Variants in GALNT17 observed in about 807,000 individuals in gnomAD.
The protein encoded by GALNT17 is polypeptide N-acetylgalactosaminyltransferase 17.
GALNT17 carries 29 observed loss-of-function variants against 63.7 expected under a neutral mutation model. That is an observed-to-expected ratio of 0.46 (90% CI 0.34 to 0.62). The LOEUF is 0.62. Among genes scored for constraint, GALNT17 ranks in the 20% least tolerant of loss-of-function variants. The pLI is 0.01. For synonymous variants in GALNT17, 305 were observed against 318.3 expected (o/e 0.96, Z 0.45); for missense variants, 603 against 799.6 (o/e 0.75, Z 2.97).
At chr7:71,403,080 G>A (rs1793268330) in intron 3 of GALNT17, among the ~76,000 whole-genome samples, 1 of 152,072 alleles carries the variant, frequency 6.6e-6, no homozygotes. Context: ...GTTTTTTTAG[G>A]CCCCAGGGAG....
intron 1 of GALNT17, among the ~76,000 whole-genome samples, chr7:71,329,943 A>G (rs1791776335): frequency 7.4e-6 from 1 of 134,676 alleles, no homozygotes; most frequent in Admixed American, 7.2e-5. Context: ...ATATATATAC[A>G]CACATATGTG....
intron 2 of GALNT17, among the ~76,000 whole-genome samples, chr7:71,359,679 G>T (rs1792362160): frequency 6.6e-6 from 1 of 151,992 alleles, no homozygotes; most frequent in Non-Finnish European, 1.5e-5. Flanking sequence ...CACCTTCTGG[G>T]TTCAAGCAGT....
rs845046 is a variant in GALNT17 at position 71,669,436 on chromosome 7, G to C, written c.1267-536G>C. On this transcript the variant is annotated intron_variant, in intron 7 of 10. Coordinates refer to ENST00000333538, the MANE Select transcript of GALNT17 (RefSeq NM_022479.3). Reference sequence around the variant, plus strand: ...TGAGGCAGGAGAATCGCTTGAACCCGGGAGGCCAAGGTTGCAGTGAGATGA... The same window carrying C: ...TGAGGCAGGAGAATCGCTTGAACCCCGGAGGCCAAGGTTGCAGTGAGATGA... 3.6e-4 allele frequency among the ~76,000 whole-genome samples: 54 copies of C among 151,992 alleles called. No individual in the cohort carries two copies. The East Asian group carries it at 9.8e-3, about 28-fold the overall frequency.
chr7:71,372,998 A>G (rs894516513), intron 2 of GALNT17, among the ~76,000 whole-genome samples: 3 of 152,236 alleles, frequency 2.0e-5, no homozygotes, highest in African/African-American at 7.2e-5. Flanking sequence ...GTATCAACAC[A>G]GTTTGATAAC....
At chr7:71,322,507 A>G (rs1362927236) in intron 1 of GALNT17, among the ~76,000 whole-genome samples, 1 of 152,204 alleles carries the variant, frequency 6.6e-6, no homozygotes, top group Non-Finnish European at 1.5e-5. Flanking sequence ...TACCTCCAGT[A>G]TTCGTGGCTC....
intron 1 of GALNT17, among the ~76,000 whole-genome samples, chr7:71,280,675 T>C (rs1405238140): frequency 6.6e-6 from 1 of 152,204 alleles, no homozygotes; most frequent in Non-Finnish European, 1.5e-5. Context: ...GTCTGTCCTG[T>C]AGACAGGCTG....
chr7:71,292,582 A>G (rs1562975870), intron 1 of GALNT17, among the ~76,000 whole-genome samples: 3 of 151,970 alleles, frequency 2.0e-5, no homozygotes, highest in Admixed American at 1.3e-4. Context: ...AATGACCACA[A>G]TTAACCAAAT....
chr7:71,563,847 G>T (rs532790460), intron 5 of GALNT17, among the ~76,000 whole-genome samples: 4 of 152,198 alleles, frequency 2.6e-5, no homozygotes, highest in Middle Eastern at 3.4e-3. Flanking sequence ...TTAAAGTGCT[G>T]GGATTACAGG....
chr7:71,357,531 T>G lies in GALNT17; in HGVS notation c.422+21798T>G, dbSNP rs367702062. ...TTTTCCCCTTTTGCATATTTTCCCA[T>G]TCACCACTCAGTGTTTAAAGGCTGC... On this transcript the variant is annotated intron_variant, in intron 2 of 10. Transcript: ENST00000333538. Among the ~76,000 whole-genome samples the G allele has an allele frequency of 5.3e-5, 8 of 152,142 alleles. No homozygotes were observed. The East Asian group carries it at 1.2e-3, about 22-fold the overall frequency.
At chr7:71,430,486 C>A (rs1786841797) in intron 5 of GALNT17, among the ~76,000 whole-genome samples, 1 of 152,182 alleles carries the variant, frequency 6.6e-6, no homozygotes, top group Non-Finnish European at 1.5e-5. Context: ...GCATATGTTG[C>A]TTTCAGGGCA....
chr7:71,198,065 GC>G (rs999274038), intron 1 of GALNT17, among the ~76,000 whole-genome samples: 8 of 151,916 alleles, frequency 5.3e-5, no homozygotes, highest in African/African-American at 1.9e-4. Flanking sequence ...GGATGTGGTG[GC>G]GGGCTCCTGT....
At position 71,650,538 on chromosome 7, in the gene GALNT17, C is replaced by CATA. The variant is rs148253195; in HGVS notation, c.1081-14873_1081-14872insATA. Among the ~76,000 whole-genome samples, 816 of 152,212 alleles carry CATA rather than the reference C, an allele frequency of 5.4e-3. 10 individuals carry two copies. The highest frequency in any genetic ancestry group is 0.018 in the African/African-American group (755 of 41,540). On this transcript the variant is annotated intron_variant, in intron 6 of 10. Coordinates refer to ENST00000333538, the MANE Select transcript of GALNT17 (RefSeq NM_022479.3). ...AATTATGGGATTACAGGTGCCTGGC[C>CATA]CAATTATGCTCTTTAAAGGATGTGG...
At chr7:71,477,427 T>G (rs1306465848) in intron 5 of GALNT17, among the ~76,000 whole-genome samples, 1 of 152,160 alleles carries the variant, frequency 6.6e-6, no homozygotes, top group Non-Finnish European at 1.5e-5. Flanking sequence ...CACTGATCGT[T>G]TCGAGGTTAC....
intron 9 of GALNT17, among the ~76,000 whole-genome samples, chr7:71,689,073 C>T (rs1249023808): frequency 3.9e-5 from 6 of 152,032 alleles, no homozygotes; most frequent in Non-Finnish European, 8.8e-5. Context: ...TGTAATTATT[C>T]GGGGCACTAT....
At chr7:71,249,220 G>T (rs756021782) in intron 1 of GALNT17, among the ~76,000 whole-genome samples, 1 of 152,090 alleles carries the variant, frequency 6.6e-6, no homozygotes, top group Non-Finnish European at 1.5e-5. Context: ...TCTTACGTGG[G>T]TTAAATATAC....
At chr7:71,644,103 G>A (rs1375855163) in intron 6 of GALNT17, among the ~76,000 whole-genome samples, 1 of 152,112 alleles carries the variant, frequency 6.6e-6, no homozygotes, top group Non-Finnish European at 1.5e-5. Context: ...GGGTTCCTGT[G>A]TGCATTTTAA....
chr7:71,352,483 G>T (rs946368159), intron 2 of GALNT17, among the ~76,000 whole-genome samples: 1 of 152,132 alleles, frequency 6.6e-6, no homozygotes, highest in Admixed American at 6.6e-5. Context: ...TACTGAAGTG[G>T]TAAAACTGAA....
At chr7:71,484,679 T>C (rs1387100147) in intron 5 of GALNT17, among the ~76,000 whole-genome samples, 2 of 152,110 alleles carry the variant, frequency 1.3e-5, no homozygotes, top group African/African-American at 4.8e-5. Flanking sequence ...CTGTCCTACA[T>C]GCAATCTGTC....
chr7:71,665,701 C>T, intron 7 of GALNT17, 105 bp downstream of exon 7: 1 of 1,348,798 alleles, frequency 7.4e-7, no homozygotes, highest in South Asian at 1.4e-5. Flanking sequence ...AATGCTCATG[C>T]TTAGAAAAAT....
Sources: allele counts gnomAD v4.1 joint callset (sites outside exome capture counted in the v4.1 genomes callset), GRCh38; gene constraint gnomAD v4.1.1; transcripts MANE v1.5; gene names NCBI Gene and HGNC (gene_info 2026-07-23, HGNC 2026-07-21).